SNRPN: variants seen among roughly 807,000 people sequenced by gnomAD.
SNRPN encodes small nuclear ribonucleoprotein-associated protein N.
A neutral mutation model predicts 25.2 loss-of-function variants in SNRPN; 7 were observed. The observed-to-expected ratio is 0.28, with a 90% CI of 0.16 to 0.52. The LOEUF (loss-of-function observed/expected upper bound fraction) is 0.52, where lower values mean the gene tolerates loss of function less well. SNRPN is among the 20% of genes least tolerant of loss of function. SNRPN has a pLI of 0.96. For synonymous variants in SNRPN, 124 were observed against 110.6 expected (o/e 1.12, Z -0.76); for missense variants, 196 against 322.5 (o/e 0.61, Z 3.00).
Position 24,967,962 on chromosome 15 carries a change from G to A in SNRPN, c.-264G>A, listed in dbSNP as rs2075898316. The A allele has an allele frequency of 1.9e-6, 3 of 1,614,046 alleles. No homozygotes were observed. The highest frequency in any genetic ancestry group is 1.7e-5 in the Admixed American group (1 of 59,990). The stretch of plus-strand genomic sequence containing the variant: ...AGTTGTACCCGAGGCGTTCTCAGCA[G>A]CAGCAAGTACCTGTGGTGGATTTCC... On this transcript the variant is annotated 5_prime_UTR_variant, in exon 3 of 10. Coordinates refer to ENST00000390687, the MANE Select transcript of SNRPN (RefSeq NM_003097.6).
At chr15:24,947,641 C>A (rs1293342134) in intron 3 of SNRPN, among the ~76,000 whole-genome samples, 7 of 151,964 alleles carry the variant, frequency 4.6e-5, no homozygotes, top group East Asian at 1.9e-4. Context: ...AAGAAAAAAA[C>A]CAAAACAGAA....
chr15:24,865,830 G>T (rs1380170474), intron 1 of SNRPN, among the ~76,000 whole-genome samples: 1 of 152,034 alleles, frequency 6.6e-6, no homozygotes, highest in African/African-American at 2.4e-5. Context: ...CTGCAAAAGA[G>T]ACAGATGATA....
At chr15:24,917,201 ATC>A (rs2059580476) in intron 2 of SNRPN, among the ~76,000 whole-genome samples, 1 of 152,216 alleles carries the variant, frequency 6.6e-6, no homozygotes, top group Non-Finnish European at 1.5e-5. Context: ...AGGTGGCTTC[ATC>A]TCTCAGAATC....
rs772205730 is a variant in SNRPN at position 24,975,456 on chromosome 15, T to G, written c.102T>G (p.Phe34Leu). The G allele has an allele frequency of 6.2e-7, 1 of 1,613,996 alleles. No homozygotes were observed. Among genetic ancestry groups the G allele is most frequent in the Admixed American group, 1.7e-5 (1 of 60,018 alleles). Reference sequence around the variant, plus strand: ...TCTTCATTGGCACCTTTAAGGCTTTTGACAAGCATATGAATTTGATCCTCT... The same window carrying G: ...TCTTCATTGGCACCTTTAAGGCTTTGGACAAGCATATGAATTTGATCCTCT... The part of the protein sequence containing the change: ...GRIFIGTFKA[F>L]DKHMNLILCD... The change falls in exon 5 of 10, where the codon TTT becomes TTG. Residue 34 changes from phenylalanine (F) to leucine (L), a missense_variant. Transcript: ENST00000390687.
chr15:24,934,500 A>G (rs967359318), intron 3 of SNRPN, among the ~76,000 whole-genome samples: 8 of 152,092 alleles, frequency 5.3e-5, no homozygotes, highest in African/African-American at 1.7e-4. Flanking sequence ...CAAAGCCTAA[A>G]ATATTTACTC....
At chr15:24,931,422 C>T (rs1292961541) in intron 3 of SNRPN, among the ~76,000 whole-genome samples, 1 of 152,044 alleles carries the variant, frequency 6.6e-6, no homozygotes, top group African/African-American at 2.4e-5. Flanking sequence ...ACAGAGGTGA[C>T]TGGGTATTTT....
rs151136833 is a variant in SNRPN at position 24,969,239 on chromosome 15, C to T, written c.-144+1157C>T. Among the ~76,000 whole-genome samples, 651 of 152,252 alleles carry T rather than the reference C, an allele frequency of 4.3e-3. 2 individuals carry two copies. Among genetic ancestry groups the T allele is most frequent in the African/African-American group, 0.015 (612 of 41,536 alleles). On this transcript the variant is annotated intron_variant, in intron 3 of 9. Transcript: ENST00000390687. ...TGCCTCCCAGGTTCAACTGATTTTC[C>T]TGCCTCAGCCTCCCAAGTATCTGGG...
chr15:24,921,909 G>A (rs2060042269), intron 3 of SNRPN, among the ~76,000 whole-genome samples: 2 of 151,944 alleles, frequency 1.3e-5, no homozygotes, highest in Non-Finnish European at 2.9e-5. Context: ...CGATAAAAAT[G>A]CCATACAGAC....
chr15:24,920,995 G>A lies in SNRPN; in HGVS notation c.-391+871G>A, dbSNP rs61450675. ...ATGATTGAAAGAGTATGTGCTGGAG[G>A]TGTATGATATTTTCCATCCACTTCA... is the stretch of plus-strand genomic sequence containing the variant. On this transcript the variant is annotated intron_variant, in intron 3 of 11. Coordinates refer to the SNRPN transcript ENST00000400097. Among the ~76,000 whole-genome samples the A allele has an allele frequency of 6.7e-3, 1,020 of 152,174 alleles. 12 individuals carry two copies. The highest frequency in any genetic ancestry group is 0.023 in the African/African-American group (955 of 41,466).
chr15:24,843,952 G>A (rs184338273), intron 2 of SNRPN, among the ~76,000 whole-genome samples: 3 of 151,024 alleles, frequency 2.0e-5, no homozygotes, highest in East Asian at 3.9e-4. Context: ...CAGCCTGGGC[G>A]ATAGAGCTGA....
intron 2 of SNRPN, chr15:24,909,892 G>C: frequency 1.5e-6 from 1 of 650,856 alleles, no homozygotes; most frequent in Non-Finnish European, 2.7e-6. Context: ...GCTGGGGCAG[G>C]GAGAAGGGGA....
intron 2 of SNRPN, among the ~76,000 whole-genome samples, chr15:24,842,646 G>A (rs1459561626): frequency 1.3e-5 from 2 of 152,116 alleles, no homozygotes; most frequent in African/African-American, 4.8e-5. Flanking sequence ...CAGCTCTCCT[G>A]GACAGTCCCT....
intron 1 of SNRPN, among the ~76,000 whole-genome samples, chr15:24,862,138 C>G (rs947573372): frequency 2.1e-5 from 3 of 142,716 alleles, no homozygotes; most frequent in Non-Finnish European, 4.6e-5. Context: ...TAGGCTAACG[C>G]TATTGTAATA....
chr15:24,930,643 G>A (rs2060772793), intron 3 of SNRPN, among the ~76,000 whole-genome samples: 1 of 147,724 alleles, frequency 6.8e-6, no homozygotes, highest in Non-Finnish European at 1.5e-5. Flanking sequence ...TGTAATCCCA[G>A]TAAATCCCAG....
At chr15:24,908,237 C>G (rs1445431304) in intron 2 of SNRPN, among the ~76,000 whole-genome samples, 5 of 152,032 alleles carry the variant, frequency 3.3e-5, no homozygotes, top group Non-Finnish European at 7.4e-5. Flanking sequence ...AGCGGCACAA[C>G]TGACTAAGAT....
chr15:24,879,447 A>G (rs925973705), intron 1 of SNRPN, among the ~76,000 whole-genome samples: 3 of 151,942 alleles, frequency 2.0e-5, no homozygotes, highest in Non-Finnish European at 4.4e-5. Context: ...TACAAAAAAA[A>G]AAGAAAGAAA....
chr15:24,860,876 A>G lies in SNRPN; in HGVS notation c.-579+4160A>G, dbSNP rs562399097. Among the ~76,000 whole-genome samples, 95 of 152,330 alleles carry G rather than the reference A, an allele frequency of 6.2e-4. 1 individual carries two copies. The highest frequency in any genetic ancestry group is 3.2e-3 in the Admixed American group (49 of 15,310). On this transcript the variant is annotated intron_variant, in intron 1 of 11. Coordinates refer to the SNRPN transcript ENST00000400097. ...AATGTAATAAGTTTACCAGCCACAAATAACAACAAATCATAGGAAATGCAG... is the reference window on the plus strand; with the variant it reads ...AATGTAATAAGTTTACCAGCCACAAGTAACAACAAATCATAGGAAATGCAG...
chr15:24,934,246 C>T (rs957801692), intron 3 of SNRPN, among the ~76,000 whole-genome samples: 44 of 151,954 alleles, frequency 2.9e-4, no homozygotes, highest in Non-Finnish European at 3.7e-4. Flanking sequence ...TGCAGTGAGC[C>T]GAGATCATGC....
chr15:24,943,940 G>A (rs2061724571), intron 3 of SNRPN, among the ~76,000 whole-genome samples: 1 of 152,076 alleles, frequency 6.6e-6, no homozygotes, highest in South Asian at 2.1e-4. Flanking sequence ...TCATGCCTCA[G>A]CCTCCTGAGT....
Sources: allele counts gnomAD v4.1 joint callset (sites outside exome capture counted in the v4.1 genomes callset), GRCh38; gene constraint gnomAD v4.1.1; transcripts MANE v1.5; gene names NCBI Gene and HGNC (gene_info 2026-07-23, HGNC 2026-07-21).